The following CALD1 variants were observed in gnomAD, a reference collection of about 807,000 sequenced individuals.
CALD1 encodes the protein caldesmon 1, also known as caldesmon.
In CALD1, 33 loss-of-function variants were observed where a neutral mutation model predicts 99.9. The observed-to-expected ratio is 0.33, with a 90% CI of 0.25 to 0.44. CALD1 has a LOEUF of 0.44. CALD1 is among the 20% of genes least tolerant of loss of function. The pLI is 1.00. For synonymous variants in CALD1, 310 were observed against 325.0 expected (o/e 0.95, Z 0.50); for missense variants, 861 against 962.1 (o/e 0.89, Z 1.39).
At position 134,934,042 on chromosome 7, in the gene CALD1, G is replaced by T; in HGVS notation, c.1273G>T (p.Glu425Ter). Reference protein sequence around the residue: ...GKWVNEKKAQEDKLQTAVLKK... With the variant: ...GKWVNEKKAQ ...ATGGGTAAATGAAAAGAAAGCACAA[G>T]AAGATAAACTTCAGACAGCTGTCCT... is the stretch of plus-strand genomic sequence containing the variant. The change falls in exon 5 of 15, where the codon GAA becomes TAA. Residue 425 changes from glutamate to a stop codon, truncating the protein, a stop_gained. Transcript: ENST00000361675. LOFTEE classifies it high-confidence loss of function. 1.2e-6 allele frequency: 2 copies of T among 1,612,402 alleles called. No homozygotes were observed. Among genetic ancestry groups the T allele is most frequent in the Non-Finnish European group, 1.7e-6 (2 of 1,179,542 alleles).
At chr7:134,897,029 G>A (rs925155230) in intron 3 of CALD1, among the ~76,000 whole-genome samples, 2 of 152,156 alleles carry the variant, frequency 1.3e-5, no homozygotes, top group Admixed American at 1.3e-4. Context: ...TGAAGGTCTT[G>A]GAAACAACCT....
At chr7:134,771,453 C>T (rs1796877284) in intron 1 of CALD1, among the ~76,000 whole-genome samples, 2 of 152,144 alleles carry the variant, frequency 1.3e-5, no homozygotes, top group Admixed American at 1.3e-4. Context: ...TTCTCACAGT[C>T]CTCATCTAAG....
chr7:134,863,303 T>C lies in CALD1; in HGVS notation c.-41-4390T>C, dbSNP rs560851196. 1.1e-4 allele frequency among the ~76,000 whole-genome samples: 16 copies of C among 152,346 alleles called. 1 individual carries two copies. The highest frequency in any genetic ancestry group is 3.8e-4 in the African/African-American group (16 of 41,572). ...AAAAAACAGCCTGCCACATAGTACA[T>C]ATTCAATAAATGTTAGTTCCTTTTG... On this transcript the variant is annotated intron_variant, in intron 2 of 14. Transcript: ENST00000361675.
intron 1 of CALD1, among the ~76,000 whole-genome samples, chr7:134,793,652 G>C (rs1797628704): frequency 6.6e-6 from 1 of 151,944 alleles, no homozygotes; most frequent in African/African-American, 2.4e-5. Flanking sequence ...CGTCAAACTG[G>C]GACACGTTGA....
the CALD1 span, among the ~76,000 whole-genome samples, chr7:134,715,284 C>T: frequency 1.3e-5 from 2 of 152,186 alleles, no homozygotes; most frequent in Admixed American, 6.5e-5. Flanking sequence ...AACAGCATTT[C>T]TCTCTTGAAA....
At chr7:134,788,750 C>T (rs1450897892) in intron 1 of CALD1, among the ~76,000 whole-genome samples, 3 of 152,040 alleles carry the variant, frequency 2.0e-5, no homozygotes, top group South Asian at 2.1e-4. Context: ...AGTGGTAGCT[C>T]GTGCCTGTAG....
At chr7:134,902,076 C>T (rs1478985426) in intron 3 of CALD1, among the ~76,000 whole-genome samples, 1 of 152,098 alleles carries the variant, frequency 6.6e-6, no homozygotes, top group African/African-American at 2.4e-5. Flanking sequence ...AAATTGGGCA[C>T]AATCTCCACA....
At chr7:134,732,889 G>A in the CALD1 span, among the ~76,000 whole-genome samples, 2 of 152,194 alleles carry the variant, frequency 1.3e-5, no homozygotes. Context: ...AAGCGGGATG[G>A]GCCCAGGCCT....
chr7:134,964,271 C>T (rs1808502338), intron 13 of CALD1, among the ~76,000 whole-genome samples: 1 of 152,136 alleles, frequency 6.6e-6, no homozygotes, highest in Non-Finnish European at 1.5e-5. Context: ...GATTCCAGAG[C>T]AAGTTGTTTA....
At chr7:134,854,544 A>T (rs741690) in intron 2 of CALD1, among the ~76,000 whole-genome samples, 26,429 of 151,658 alleles carry the variant, frequency 0.17, 3,303 homozygotes, top group African/African-American at 0.36. Context: ...TTGTTTAATG[A>T]CACACTCACA....
In CALD1 at chr7:134,950,410, C is replaced by T; in HGVS notation, c.1831C>T (p.Arg611Ter). ...KRRLKEEIER[R>*]RAEAAEKRQK... ...GAGGCTAAAGGAAGAGATTGAAAGG[C>T]GAAGAGCAGAAGCTGCTGAGAAACG... The change falls in exon 9 of 15, where the codon CGA becomes TGA. Residue 611 changes from arginine to a stop codon, truncating the protein, a stop_gained. Coordinates refer to ENST00000361675, the MANE Select transcript of CALD1 (RefSeq NM_033138.4). LOFTEE classifies it high-confidence loss of function. The T allele has an allele frequency of 6.2e-7, 1 of 1,614,004 alleles. No individual in the cohort carries two copies. Among genetic ancestry groups the T allele is most frequent in the Non-Finnish European group, 8.5e-7 (1 of 1,179,894 alleles).
intron 3 of CALD1, among the ~76,000 whole-genome samples, chr7:134,914,488 G>A (rs1302719530): frequency 1.3e-5 from 2 of 152,144 alleles, no homozygotes; most frequent in East Asian, 1.9e-4. Flanking sequence ...CTGCCCTTCC[G>A]GGACTCCCTT....
At chr7:134,934,540 T>G (rs1446905763) in intron 5 of CALD1, among the ~76,000 whole-genome samples, 2 of 151,940 alleles carry the variant, frequency 1.3e-5, no homozygotes, top group Non-Finnish European at 2.9e-5. Context: ...TGATAAAAGC[T>G]GGGGTGGGAA....
intron 3 of CALD1, among the ~76,000 whole-genome samples, chr7:134,881,424 G>C (rs1440492707): frequency 6.6e-6 from 1 of 152,172 alleles, no homozygotes; most frequent in Non-Finnish European, 1.5e-5. Context: ...AAAGACACTG[G>C]ATAAAAGTTC....
At chr7:134,884,359 T>A (rs1363885881) in intron 3 of CALD1, among the ~76,000 whole-genome samples, 1 of 152,214 alleles carries the variant, frequency 6.6e-6, no homozygotes, top group East Asian at 1.9e-4. Flanking sequence ...TTACCTGTGA[T>A]GATTTCACCC....
chr7:134,711,538 C>A, the CALD1 span, among the ~76,000 whole-genome samples: 2 of 152,130 alleles, frequency 1.3e-5, no homozygotes, highest in East Asian at 3.9e-4. Flanking sequence ...CAGCTCTTCC[C>A]TGGTCTCCAG....
intron 3 of CALD1, among the ~76,000 whole-genome samples, chr7:134,903,588 G>A (rs1268564279): frequency 6.6e-6 from 1 of 152,084 alleles, no homozygotes; most frequent in East Asian, 1.9e-4. Flanking sequence ...GCATTTCTTG[G>A]CTTGTAGATG....
At chr7:134,779,575 T>C (rs539384885), upstream of CALD1, 21 of 398,150 alleles carry the variant, frequency 5.3e-5, no homozygotes, top group East Asian at 7.5e-4. Context: ...TGTGTTCACT[T>C]AGCATGGACT....
chr7:134,899,226 G>T (rs1410400400), intron 3 of CALD1, among the ~76,000 whole-genome samples: 9 of 142,424 alleles, frequency 6.3e-5, no homozygotes, highest in Non-Finnish European at 1.2e-4. Flanking sequence ...TTTTTTTTGA[G>T]ATAGAGTTTC....
Sources: gnomAD v4.1 joint callset for allele counts (sites outside exome capture counted in the v4.1 genomes callset) on GRCh38, gnomAD v4.1.1 for gene constraint, MANE v1.5 for transcripts, NCBI Gene and HGNC (gene_info 2026-07-23, HGNC 2026-07-21) for gene names.